METTL16: variants seen among roughly 807,000 people sequenced by gnomAD.
The protein encoded by METTL16 is RNA N(6)-adenosine-methyltransferase METTL16.
METTL16 carries 19 observed loss-of-function variants against 57.9 expected under a neutral mutation model. The ratio of observed to expected loss-of-function variants is 0.33; its 90% confidence interval spans 0.23 to 0.48. The LOEUF (loss-of-function observed/expected upper bound fraction) is 0.48. Among genes scored for constraint, METTL16 ranks in the 20% least tolerant of loss-of-function variants. The pLI, the probability that METTL16 is intolerant of heterozygous loss-of-function variation, is 0.99. For synonymous variants in METTL16, 246 were observed against 255.6 expected, an observed-to-expected ratio of 0.96 and a Z score of 0.36; for missense variants, 434 against 691.5, an observed-to-expected ratio of 0.63 and a Z score of 4.18.
At chr17:2,447,230 G>A (rs191228676) in intron 6 of METTL16, among the ~76,000 whole-genome samples, 7 of 148,142 alleles carry the variant, frequency 4.7e-5, no homozygotes, top group South Asian at 2.2e-4. Flanking sequence ...CCTCTGACCC[G>A]CCGCCCTGTC....
intron 4 of METTL16, 55 bp downstream of exon 4, chr17:2,473,464 TTAAAC>T (rs2067248693): frequency 2.1e-5 from 32 of 1,536,624 alleles, no homozygotes; most frequent in Non-Finnish European, 2.5e-5. Context: ...ATGAAATGCG[TTAAAC>T]TAAAAAGGCA....
intron 2 of METTL16, among the ~76,000 whole-genome samples, chr17:2,499,299 T>C (rs1014446798): frequency 6.6e-6 from 1 of 151,082 alleles, no homozygotes; most frequent in Admixed American, 6.6e-5. Flanking sequence ...ATAGTAAGTA[T>C]AGAGAGGAAA....
intron 1 of METTL16, among the ~76,000 whole-genome samples, chr17:2,502,880 C>T (rs997894558): frequency 6.6e-6 from 1 of 152,076 alleles, no homozygotes; most frequent in Non-Finnish European, 1.5e-5. Context: ...GACACCACTT[C>T]ATACCCACTA....
chr17:2,461,342 G>A (rs2067148639), intron 6 of METTL16, among the ~76,000 whole-genome samples: 1 of 152,096 alleles, frequency 6.6e-6, no homozygotes, highest in Admixed American at 6.6e-5. Flanking sequence ...TCCAGCCTGG[G>A]TGACAGAGTG....
chr17:2,503,378 G>T (rs181459433), intron 1 of METTL16, among the ~76,000 whole-genome samples: 1 of 142,128 alleles, frequency 7.0e-6, no homozygotes, highest in African/African-American at 2.7e-5. Context: ...AACAAAATAC[G>T]GTATATCCAT....
rs1567876454 is a variant in METTL16, at chr17:2,417,087, A to ATTTTTTT, written c.*2882_*2883insAAAAAAA. 249 of 11,332 alleles carry ATTTTTTT rather than the reference A, an allele frequency of 0.022. 11 individuals carry two copies. Among genetic ancestry groups the ATTTTTTT allele is most frequent in the African/African-American group, 0.072 (240 of 3,356 alleles). The allele number at this position is 11,332 out of a possible 1,614,324, so 0.7% of individuals were successfully genotyped here. On this transcript the variant is annotated 3_prime_UTR_variant, in exon 10 of 10. Transcript: ENST00000263092. Reference sequence around the variant, plus strand: ...TTTTTTTTTTTTTTTTTTTTTTTTGAGACAGTCCCACTTTGTCGCCCAGGC... The same window carrying ATTTTTTT: ...TTTTTTTTTTTTTTTTTTTTTTTTGATTTTTTTGACAGTCCCACTTTGTCGCCCAGGC...
At chr17:2,492,127 C>T (rs568439768) in intron 2 of METTL16, among the ~76,000 whole-genome samples, 13 of 151,638 alleles carry the variant, frequency 8.6e-5, no homozygotes, top group South Asian at 4.2e-4. Flanking sequence ...AGGAGAATGG[C>T]GTGAACCTGG....
rs2066952734 is a variant in METTL16, at chr17:2,441,631, T to C, written c.729-72A>G. The C allele has an allele frequency of 2.2e-6, 2 of 914,510 alleles. 1 individual carries two copies. The highest frequency in any genetic ancestry group is 4.0e-5 in the South Asian group (2 of 49,926). 56.6% of individuals were successfully genotyped at this position (914,510 alleles called of 1,614,324 possible). On this transcript the variant is annotated intron_variant, in intron 6 of 9. Coordinates refer to ENST00000263092, the MANE Select transcript of METTL16 (RefSeq NM_024086.4). ...AATTTTAAACTAAGCATTATTCAAG[T>C]GAATAAGATGAGAACAGTAACAAAC...
chr17:2,486,830 AGTGTGGTG>A (rs1425612087), intron 2 of METTL16, among the ~76,000 whole-genome samples: 1 of 151,426 alleles, frequency 6.6e-6, no homozygotes. Flanking sequence ...AAAATTAGTC[AGTGTGGTG>A]GTGTGGTGGC....
intron 4 of METTL16, among the ~76,000 whole-genome samples, chr17:2,471,089 T>G (rs1352746416): frequency 8.5e-5 from 13 of 152,200 alleles, no homozygotes; most frequent in Non-Finnish European, 4.4e-5. Context: ...TCCACATGCA[T>G]AAAATGAATC....
chr17:2,441,367 GAC>G, intron 7 of METTL16, 121 bp downstream of exon 7: 1 of 606,544 alleles, frequency 1.6e-6, no homozygotes. Context: ...TTGTTCCGGT[GAC>G]AGTTACACTG....
chr17:2,487,609 G>A (rs914949088), intron 2 of METTL16, among the ~76,000 whole-genome samples: 1 of 152,136 alleles, frequency 6.6e-6, no homozygotes, highest in African/African-American at 2.4e-5. Context: ...AGAAGGCAAC[G>A]GAGCCCTGAA....
At chr17:2,430,434 G>C (rs1359901775) in intron 8 of METTL16, among the ~76,000 whole-genome samples, 1 of 28,002 alleles carries the variant, frequency 3.6e-5, no homozygotes, top group Non-Finnish European at 7.1e-5. Flanking sequence ...TTTTTTTTTT[G>C]AGACGGAGTC....
chr17:2,498,741 A>G (rs1448343413), intron 2 of METTL16, among the ~76,000 whole-genome samples: 4 of 151,596 alleles, frequency 2.6e-5, no homozygotes, highest in Admixed American at 2.0e-4. Flanking sequence ...TGTGTCTCAG[A>G]AAATAATATA....
chr17:2,430,392 A>G (rs1440472171), intron 8 of METTL16, among the ~76,000 whole-genome samples: 13 of 148,056 alleles, frequency 8.8e-5, no homozygotes, highest in Non-Finnish European at 1.9e-4. Flanking sequence ...TGTTCTATTC[A>G]GATATATTTT....
intron 8 of METTL16, among the ~76,000 whole-genome samples, chr17:2,433,558 A>C (rs1307257921): frequency 6.6e-6 from 1 of 152,168 alleles, no homozygotes; most frequent in African/African-American, 2.4e-5. Context: ...AGAGTGTCAG[A>C]GTGACATTAG....
intron 1 of METTL16, 24 bp from the exon 2 acceptor site, chr17:2,502,355 A>C (rs773322175): frequency 2.5e-6 from 4 of 1,607,868 alleles, no homozygotes; most frequent in African/African-American, 2.7e-5. Context: ...AGAGAGAAAG[A>C]AAATCAGCAT....
chr17:2,496,173 C>T (rs1423473672), intron 2 of METTL16, among the ~76,000 whole-genome samples: 2 of 151,574 alleles, frequency 1.3e-5, no homozygotes, highest in East Asian at 1.9e-4. Flanking sequence ...ACATCCTACA[C>T]AAATAGTATT....
At position 2,466,106 on chromosome 17, in the gene METTL16, T is replaced by C. The variant is rs572839933; in HGVS notation, c.585+1655A>G. On this transcript the variant is annotated intron_variant, in intron 5 of 9. Coordinates refer to ENST00000263092, the MANE Select transcript of METTL16 (RefSeq NM_024086.4). ...TACTCAGAAGGCTGAGGCAGGAGAA[T>C]TGCTTGAACCTGGGAGGTGGAGGTT... 5.3e-5 allele frequency among the ~76,000 whole-genome samples: 8 copies of C among 151,146 alleles called. 1 individual carries two copies. The South Asian group carries it at 1.0e-3, about 20-fold the overall frequency.
Sources: allele counts gnomAD v4.1 joint callset (sites outside exome capture counted in the v4.1 genomes callset), GRCh38; gene constraint gnomAD v4.1.1; transcripts MANE v1.5; gene names NCBI Gene and HGNC (gene_info 2026-07-23, HGNC 2026-07-21).